PKP2: variants seen among roughly 807,000 people sequenced by gnomAD.
The protein encoded by PKP2 is plakophilin 2.
A neutral mutation model predicts 83.4 loss-of-function variants in PKP2; 73 were observed. That is an observed-to-expected ratio of 0.88 (90% CI 0.72 to 1.06). The LOEUF (loss-of-function observed/expected upper bound fraction) is 1.06. PKP2 is among the 50% of genes least tolerant of loss of function. PKP2 has a pLI of 0.00. For missense variants in PKP2, 966 were observed against 1,065.4 expected (o/e 0.91, Z 1.30); for synonymous variants, 409 against 430.4 (o/e 0.95, Z 0.62).
intron 1 of PKP2, among the ~76,000 whole-genome samples, chr12:32,884,429 G>A (rs1482490438): frequency 6.6e-6 from 1 of 152,118 alleles, no homozygotes; most frequent in East Asian, 1.9e-4. Context: ...ACTCCAGCCT[G>A]GGCAACAGAG....
At chr12:32,894,999 T>C (rs1270792020) in intron 1 of PKP2, among the ~76,000 whole-genome samples, 1 of 152,206 alleles carries the variant, frequency 6.6e-6, no homozygotes, top group African/African-American at 2.4e-5. Context: ...AGGCTTAGCA[T>C]CTAACAAATC....
intron 1 of PKP2, among the ~76,000 whole-genome samples, chr12:32,884,170 T>C (rs572505000): frequency 6.6e-6 from 1 of 152,352 alleles, no homozygotes; most frequent in Non-Finnish European, 1.5e-5. Context: ...AATACAGTCT[T>C]CTGCCAGGCA....
Position 32,821,538 on chromosome 12 carries a change from A to G in PKP2, c.1840-9T>C. 1 of 1,613,924 alleles carries G rather than the reference A, an allele frequency of 6.2e-7. No homozygotes were observed. Among genetic ancestry groups the G allele is most frequent in the Non-Finnish European group, 8.5e-7 (1 of 1,179,890 alleles). Reference sequence around the variant, plus strand: ...GGCACGTCCTGGTATTGCTGACCACACACAAAAGGAATCCAGAATTAATGC... The same window carrying G: ...GGCACGTCCTGGTATTGCTGACCACGCACAAAAGGAATCCAGAATTAATGC... On this transcript the variant is annotated splice_polypyrimidine_tract_variant and intron_variant, in intron 8 of 12. Transcript: ENST00000340811.
At chr12:32,832,698 T>C (rs1005157632) in intron 6 of PKP2, among the ~76,000 whole-genome samples, 1 of 152,232 alleles carries the variant, frequency 6.6e-6, no homozygotes, top group Non-Finnish European at 1.5e-5. Context: ...CTATCTCATC[T>C]AGCATTACTC....
At chr12:32,822,889 G>C (rs1042338311) in intron 7 of PKP2, among the ~76,000 whole-genome samples, 10 of 152,188 alleles carry the variant, frequency 6.6e-5, no homozygotes, top group Non-Finnish European at 1.5e-4. Context: ...CAGAACAACT[G>C]TATAGCTTAG....
chr12:32,856,754 A>T lies in PKP2; in HGVS notation c.1171-5781T>A, dbSNP rs80241003. Among the ~76,000 whole-genome samples, 5 of 141,762 alleles carry T rather than the reference A, an allele frequency of 3.5e-5. No homozygotes were observed. The East Asian group carries it at 8.1e-4, about 23-fold the overall frequency. 93.0% of individuals were successfully genotyped at this position (141,762 alleles called of 152,430 possible). A position where few individuals can be genotyped will look rare whatever the true frequency, so the allele number is the denominator to read the frequency against. ...GTACCCTAGAACTTAAAGTATAATT[A>T]AAAAAAAAAAAAAGAAGATTCAAAG... On this transcript the variant is annotated intron_variant, in intron 4 of 12. Transcript: ENST00000340811.
At chr12:32,849,074 A>G in intron 5 of PKP2, among the ~76,000 whole-genome samples, 1 of 152,048 alleles carries the variant, frequency 6.6e-6, no homozygotes, top group East Asian at 1.9e-4. Context: ...CATCTGTAAA[A>G]TTGAGATATA....
chr12:32,804,302 T>C (rs1289174450), intron 9 of PKP2, among the ~76,000 whole-genome samples: 2 of 152,198 alleles, frequency 1.3e-5, no homozygotes, highest in East Asian at 3.8e-4. Flanking sequence ...AATGGCTTTT[T>C]TTCCTTCAAC....
At chr12:32,797,245 G>C (rs934803879) in intron 10 of PKP2, among the ~76,000 whole-genome samples, 5 of 151,840 alleles carry the variant, frequency 3.3e-5, no homozygotes, top group Non-Finnish European at 7.4e-5. Flanking sequence ...TTCAGGACCA[G>C]CCTGGCCAAC....
intron 9 of PKP2, among the ~76,000 whole-genome samples, chr12:32,815,315 C>G (rs1357302955): frequency 2.0e-5 from 3 of 152,138 alleles, no homozygotes; most frequent in Non-Finnish European, 4.4e-5. Context: ...CCTCTGTAGC[C>G]TGACATTTTC....
At chr12:32,876,672 C>T (rs1412660062) in intron 3 of PKP2, among the ~76,000 whole-genome samples, 1 of 152,066 alleles carries the variant, frequency 6.6e-6, no homozygotes, top group Non-Finnish European at 1.5e-5. Flanking sequence ...TAGGACCACA[C>T]GTGCACACAA....
At chr12:32,880,999 C>T (rs532384790) in intron 1 of PKP2, among the ~76,000 whole-genome samples, 10 of 152,184 alleles carry the variant, frequency 6.6e-5, no homozygotes, top group East Asian at 1.9e-4. Context: ...ACACAGGGTG[C>T]TCCTTTCCAG....
Position 32,878,911 on chromosome 12 carries a change from AT to A in PKP2, c.336+8del, listed in dbSNP as rs1591829238. The A allele has an allele frequency of 3.7e-6, 5 of 1,366,296 alleles. No homozygotes were observed. Among genetic ancestry groups the A allele is most frequent in the Non-Finnish European group, 5.2e-6 (5 of 955,600 alleles). 84.6% of individuals were successfully genotyped at this position (1,366,296 alleles called of 1,614,324 possible). On this transcript the variant is annotated splice_region_variant and intron_variant, in intron 2 of 12. Transcript: ENST00000340811. ...CTGATCACTAGGGTTACATTCTTTG[AT>A]ATCCTACCTTTAGCATGTCATAGGT... is the stretch of plus-strand genomic sequence containing the variant.
chr12:32,846,267 G>A (rs1271636336), intron 5 of PKP2, among the ~76,000 whole-genome samples: 4 of 152,122 alleles, frequency 2.6e-5, no homozygotes, highest in African/African-American at 2.4e-5. Flanking sequence ...AAGATGTGCC[G>A]TTCTCATTTC....
intron 4 of PKP2, among the ~76,000 whole-genome samples, chr12:32,863,728 C>T (rs1163162213): frequency 1.3e-5 from 2 of 152,200 alleles, no homozygotes; most frequent in African/African-American, 2.4e-5. Context: ...GTCTTCACTG[C>T]TGAAGTCTAC....
In PKP2 at chr12:32,824,119, T is replaced by G. The variant is rs541792948; in HGVS notation, c.1600A>C (p.Arg534=). The change falls in exon 7 of 13, where the codon AGA becomes CGA. Residue 534 remains arginine (R), a synonymous_variant. Coordinates refer to ENST00000340811, the MANE Select transcript of PKP2 (RefSeq NM_001005242.3). ...AGADGRKAMR[R]CDGLIDSLVH... ...AGTGAGTCAATGAGTCCGTCACATC[T>G]TCTCATCGCTTTTCTCCCATCAGCG... 2 of 1,613,598 alleles carry G rather than the reference T, an allele frequency of 1.2e-6. No individual in the cohort carries two copies. The highest frequency in any genetic ancestry group is 1.7e-6 in the Non-Finnish European group (2 of 1,179,686).
At chr12:32,896,311 C>T (rs1036802774) in intron 1 of PKP2, among the ~76,000 whole-genome samples, 198 bp downstream of exon 1, 1 of 152,186 alleles carries the variant, frequency 6.6e-6, no homozygotes, top group East Asian at 1.9e-4. Context: ...TACATAGGTA[C>T]CTATATGACA....
intron 4 of PKP2, among the ~76,000 whole-genome samples, chr12:32,852,911 A>G (rs1956713244): frequency 1.3e-5 from 2 of 152,184 alleles, no homozygotes; most frequent in South Asian, 4.2e-4. Flanking sequence ...GTGAAACCCC[A>G]TTTCTACTAA....
Position 32,881,114 on chromosome 12 carries a change from A to G in PKP2, c.224-2082T>C, listed in dbSNP as rs77341149. 2.6e-5 allele frequency among the ~76,000 whole-genome samples: 4 copies of G among 152,238 alleles called. No homozygotes were observed. In the East Asian group the frequency reaches 5.8e-4, roughly 22 times the overall value. On this transcript the variant is annotated intron_variant, in intron 1 of 12. Transcript: ENST00000340811. ...AGGGGAGGGAGAATGGTAATTTGAA[A>G]TTATTTTTGCCAGAGAGCTAAAAAG... is the stretch of plus-strand genomic sequence containing the variant.
Sources: gnomAD v4.1 joint callset for allele counts (sites outside exome capture counted in the v4.1 genomes callset) on GRCh38, gnomAD v4.1.1 for gene constraint, MANE v1.5 for transcripts, NCBI Gene and HGNC (gene_info 2026-07-23, HGNC 2026-07-21) for gene names.